Variants in PPTC7 observed in about 807,000 individuals in gnomAD.
The protein encoded by PPTC7 is protein phosphatase targeting COQ7.
Under a neutral mutation model 30.8 loss-of-function variants are expected in PPTC7, and 6 were observed. The ratio of observed to expected loss-of-function variants is 0.19; its 90% CI spans 0.11 to 0.38. The LOEUF (loss-of-function observed/expected upper bound fraction) is 0.38. PPTC7 is among the 10% of genes least tolerant of loss of function. The probability of loss-of-function intolerance (pLI) is 1.00; values close to 1 mark genes in which losing one functional copy is unlikely to be tolerated. For synonymous variants in PPTC7, 163 were observed against 168.1 expected (o/e 0.97, Z 0.23); for missense variants, 218 against 404.8 (o/e 0.54, Z 3.96).
chr12:110,538,056 CCA>C, intron 5 of PPTC7, 86 bp downstream of exon 5: 1 of 1,439,546 alleles, frequency 6.9e-7, no homozygotes, highest in Non-Finnish European at 9.5e-7. Flanking sequence ...GAGGACACCT[CCA>C]CAGTCTCACC....
intron 1 of PPTC7, among the ~76,000 whole-genome samples, chr12:110,560,353 A>G (rs75468382): frequency 6.6e-6 from 1 of 152,082 alleles, no homozygotes; most frequent in East Asian, 1.9e-4. Context: ...ATGAGCTGTG[A>G]TCACACTACT....
chr12:110,571,839 T>C (rs913231330), intron 1 of PPTC7, among the ~76,000 whole-genome samples: 1 of 152,094 alleles, frequency 6.6e-6, no homozygotes, highest in Non-Finnish European at 1.5e-5. Flanking sequence ...CCAAGAGAAA[T>C]GGATTTCTAA....
chr12:110,562,575 T>G (rs1278982914), intron 1 of PPTC7, among the ~76,000 whole-genome samples: 1 of 151,746 alleles, frequency 6.6e-6, no homozygotes, highest in African/African-American at 2.4e-5. Flanking sequence ...AACAGATCAC[T>G]TGAGGTCAGG....
chr12:110,541,663 G>A (rs979334252), intron 3 of PPTC7, among the ~76,000 whole-genome samples: 2 of 136,766 alleles, frequency 1.5e-5, no homozygotes, highest in East Asian at 4.2e-4. Context: ...TTGCACCATT[G>A]CACTCCAGCT....
chr12:110,569,378 G>A (rs2064514192), intron 1 of PPTC7, among the ~76,000 whole-genome samples: 1 of 152,040 alleles, frequency 6.6e-6, no homozygotes, highest in Non-Finnish European at 1.5e-5. Context: ...AAGAGAAAGA[G>A]AGGGCTGAGC....
At chr12:110,559,412 A>ATTT (rs538513009) in intron 1 of PPTC7, among the ~76,000 whole-genome samples, 1 of 144,884 alleles carries the variant, frequency 6.9e-6, no homozygotes, top group Non-Finnish European at 1.5e-5. Flanking sequence ...GAAGAAAAAA[A>ATTT]TTTTTTTTTT....
At chr12:110,561,525 A>T (rs1430424782) in intron 1 of PPTC7, among the ~76,000 whole-genome samples, 1 of 152,218 alleles carries the variant, frequency 6.6e-6, no homozygotes, top group Non-Finnish European at 1.5e-5. Context: ...CATGTTGGCC[A>T]GGCTGGTCTC....
chr12:110,581,851 T>C (rs76561736), intron 1 of PPTC7, among the ~76,000 whole-genome samples: 3,846 of 152,320 alleles, frequency 0.025, 175 homozygotes, highest in African/African-American at 0.089. Context: ...CAAAGTGACA[T>C]TTGAACCCAA....
chr12:110,581,370 C>T lies in PPTC7; in HGVS notation c.223+1439G>A, dbSNP rs532343831. Among the ~76,000 whole-genome samples the T allele has an allele frequency of 3.9e-5, 6 of 151,924 alleles. No homozygotes were observed. In the South Asian group the frequency reaches 1.0e-3, roughly 26 times the overall value. Reference sequence around the variant, plus strand: ...CGGAGGCTGCAGTGAGCCAAGATTGCGCCACTGCACTCCAGCCTGAGTGAC... The same window carrying T: ...CGGAGGCTGCAGTGAGCCAAGATTGTGCCACTGCACTCCAGCCTGAGTGAC... On this transcript the variant is annotated intron_variant, in intron 1 of 5. Coordinates refer to ENST00000354300, the MANE Select transcript of PPTC7 (RefSeq NM_139283.2).
At chr12:110,547,605 G>A (rs2064318149) in intron 2 of PPTC7, among the ~76,000 whole-genome samples, 2 of 151,982 alleles carry the variant, frequency 1.3e-5, no homozygotes, top group South Asian at 2.1e-4. Flanking sequence ...CTAAAGAACT[G>A]TACACCAAAA....
chr12:110,569,394 G>C (rs927130530), intron 1 of PPTC7, among the ~76,000 whole-genome samples: 3 of 151,996 alleles, frequency 2.0e-5, no homozygotes, highest in Non-Finnish European at 4.4e-5. Context: ...TGAGCTGATG[G>C]AAAGAGCATT....
intron 3 of PPTC7, among the ~76,000 whole-genome samples, chr12:110,544,228 T>A (rs929922136): frequency 3.3e-5 from 5 of 152,226 alleles, no homozygotes; most frequent in Admixed American, 3.3e-4. Flanking sequence ...AATTTTTAGA[T>A]GGGCAATGCT....
At chr12:110,542,695 A>AAG (rs2064271491) in intron 3 of PPTC7, among the ~76,000 whole-genome samples, 3 of 147,144 alleles carry the variant, frequency 2.0e-5, no homozygotes, top group Non-Finnish European at 3.0e-5. Flanking sequence ...AAAAAAAAAA[A>AAG]AAAAGAAAAA....
chr12:110,582,675 C>T, intron 1 of PPTC7, 134 bp downstream of exon 1: 1 of 736,810 alleles, frequency 1.4e-6, no homozygotes, highest in Non-Finnish European at 2.1e-6. Flanking sequence ...CGGCGCCTGG[C>T]GCATAGTAAG....
At chr12:110,580,738 C>T (rs1269127726) in intron 1 of PPTC7, among the ~76,000 whole-genome samples, 1 of 151,768 alleles carries the variant, frequency 6.6e-6, no homozygotes, top group Non-Finnish European at 1.5e-5. Context: ...TCACAAAAGT[C>T]GCATACAGAT....
chr12:110,546,003 C>G lies in PPTC7; in HGVS notation c.479G>C (p.Gly160Ala). Residue 160 changes from glycine (G) to alanine (A), a missense_variant, in exon 3 of 6, where the codon GGC becomes GCC. Gly to Ala is a moderately conservative substitution (Grantham distance 60). Coordinates refer to ENST00000354300, the MANE Select transcript of PPTC7 (RefSeq NM_139283.2). Reference protein sequence around the residue: ...RLHTANLGDSGFLVVRGGEVV... With the variant: ...RLHTANLGDSAFLVVRGGEVV... ...TTCACCACCCCTGACAACCAGGAAGCCTGAATCGCCCAGGTTTGCTGTGTG... is the reference window on the plus strand; with the variant it reads ...TTCACCACCCCTGACAACCAGGAAGGCTGAATCGCCCAGGTTTGCTGTGTG... The G allele has an allele frequency of 6.2e-7, 1 of 1,614,220 alleles. No individual in the cohort carries two copies. The highest frequency in any genetic ancestry group is 8.5e-7 in the Non-Finnish European group (1 of 1,180,044).
intron 3 of PPTC7, among the ~76,000 whole-genome samples, chr12:110,544,882 T>C (rs1230960119): frequency 1.3e-5 from 2 of 152,124 alleles, no homozygotes; most frequent in African/African-American, 4.8e-5. Flanking sequence ...TTCTTGACAA[T>C]TTAAAAGTGA....
At chr12:110,543,837 C>A (rs1431278146) in intron 3 of PPTC7, among the ~76,000 whole-genome samples, 4 of 152,182 alleles carry the variant, frequency 2.6e-5, no homozygotes, top group East Asian at 1.9e-4. Flanking sequence ...CTAGGGGAAG[C>A]CACCTCCACC....
chr12:110,555,045 C>T (rs1483691010), intron 1 of PPTC7, among the ~76,000 whole-genome samples: 2 of 152,080 alleles, frequency 1.3e-5, no homozygotes, highest in Non-Finnish European at 2.9e-5. Context: ...TTTGTACATT[C>T]AACTTTAAGA....
Sources: allele counts gnomAD v4.1 joint callset (sites outside exome capture counted in the v4.1 genomes callset), GRCh38; gene constraint gnomAD v4.1.1; transcripts MANE v1.5; gene names NCBI Gene and HGNC (gene_info 2026-07-23, HGNC 2026-07-21).